PPP2R1B: variants seen among roughly 807,000 people sequenced by gnomAD.
PPP2R1B encodes protein phosphatase 2 scaffold subunit Abeta.
A neutral mutation model predicts 72.7 loss-of-function variants in PPP2R1B; 58 were observed. The ratio of observed to expected loss-of-function variants is 0.80; its 90% CI spans 0.65 to 0.99. PPP2R1B has a LOEUF of 0.99. Ranked by LOEUF, PPP2R1B falls within the 50% of genes least tolerant of loss-of-function variation. PPP2R1B has a pLI of 0.00. For synonymous variants in PPP2R1B, 256 were observed against 264.6 expected (o/e 0.97, Z 0.32); for missense variants, 695 against 733.6 (o/e 0.95, Z 0.61).
chr11:111,737,156 T>C (rs1944362473), downstream of PPP2R1B, among the ~76,000 whole-genome samples: 2 of 152,222 alleles, frequency 1.3e-5, no homozygotes, highest in East Asian at 3.9e-4. Context: ...ACTGGTGTCC[T>C]CTGTATGGGC....
At chr11:111,762,294 C>T (rs1945356230) in intron 3 of PPP2R1B, among the ~76,000 whole-genome samples, 1 of 152,202 alleles carries the variant, frequency 6.6e-6, no homozygotes, top group Non-Finnish European at 1.5e-5. Flanking sequence ...CACAGGTAGA[C>T]AGTATTCAGC....
At chr11:111,741,946 T>G in intron 14 of PPP2R1B, 107 bp downstream of exon 14, 1 of 1,011,210 alleles carries the variant, frequency 9.9e-7, no homozygotes, top group African/African-American at 1.6e-5. Flanking sequence ...ACCCTCCCTG[T>G]TTCCCATAAT....
the PPP2R1B span, among the ~76,000 whole-genome samples, chr11:111,693,540 A>G: frequency 9.8e-4 from 149 of 152,352 alleles, no homozygotes; most frequent in African/African-American, 3.4e-3. Flanking sequence ...CTGTTCAGGC[A>G]TTAAGTTGAG....
chr11:111,703,563 G>A, the PPP2R1B span: 2 of 686,902 alleles, frequency 2.9e-6, no homozygotes, highest in African/African-American at 1.8e-5. Context: ...GATGACATCA[G>A]ACTCTATTTA....
chr11:111,761,022 T>C lies in PPP2R1B; in HGVS notation c.336A>G (p.Glu112=), dbSNP rs966683200. 1 of 1,614,008 alleles carries C rather than the reference T, an allele frequency of 6.2e-7. No homozygotes were observed. Residue 112 remains glutamate (E), a synonymous_variant, in exon 4 of 15, where the codon GAA becomes GAG. Coordinates refer to ENST00000527614, the MANE Select transcript of PPP2R1B (RefSeq NM_002716.5). ...LPPLENLATV[E]ETVVRDKAVE... ...CAGCCTTGTCACGAACAACAGTCTCTTCCACAGTTGCCAGATTTTCCAAAG... is the reference window on the plus strand; with the variant it reads ...CAGCCTTGTCACGAACAACAGTCTCCTCCACAGTTGCCAGATTTTCCAAAG...
At chr11:111,748,376 A>C (rs953438218) in intron 10 of PPP2R1B, among the ~76,000 whole-genome samples, 1 of 152,272 alleles carries the variant, frequency 6.6e-6, no homozygotes, top group Non-Finnish European at 1.5e-5. Context: ...TGTCAGTAAT[A>C]TTACTAATTC....
the PPP2R1B span, among the ~76,000 whole-genome samples, chr11:111,710,775 A>C: frequency 6.6e-6 from 1 of 152,240 alleles, no homozygotes; most frequent in Non-Finnish European, 1.5e-5. Flanking sequence ...GATTAAGGTC[A>C]CACAATTTGT....
the PPP2R1B span, chr11:111,701,698 T>C: frequency 7.8e-7 from 1 of 1,275,318 alleles, no homozygotes; most frequent in Non-Finnish European, 1.1e-6. The surrounding 1 kb of genome is among the most constrained non-coding windows in gnomAD (Gnocchi z 4.2). Context: ...GAGCTGTAGG[T>C]TAAAAGCTAT....
downstream of PPP2R1B, chr11:111,737,758 T>G: frequency 7.5e-7 from 1 of 1,324,636 alleles, no homozygotes; most frequent in Non-Finnish European, 1.0e-6. Flanking sequence ...TGAGGTGCCT[T>G]TCCCTCGGGG....
the PPP2R1B span, among the ~76,000 whole-genome samples, chr11:111,694,701 A>T: frequency 6.6e-6 from 1 of 152,230 alleles, no homozygotes; most frequent in Admixed American, 6.5e-5. Flanking sequence ...AGAGCTTTAC[A>T]TCAAAAAGCA....
At chr11:111,718,767 G>A in the PPP2R1B span, 1 of 152,240 alleles carries the variant, frequency 6.6e-6, no homozygotes, top group African/African-American at 2.4e-5. Flanking sequence ...CCAGGTGAAA[G>A]TACTGCTTAG....
rs1288088825 is a variant in PPP2R1B at position 111,743,508 on chromosome 11, G to A, written c.1422C>T (p.Ala474=). 1 of 1,613,502 alleles carries A rather than the reference G, an allele frequency of 6.2e-7. No homozygotes were observed. The highest frequency in any genetic ancestry group is 1.1e-5 in the South Asian group (1 of 90,948). ...GAACTAGTTTCATGAGGTTGTTGGT[G>A]GCAGCTTCTCGGATGGCGTATACTG... is the stretch of plus-strand genomic sequence containing the variant. ...VDHVYAIREA[A]TNNLMKLVQK... Residue 474 remains alanine (A), a synonymous_variant, in exon 12 of 15, where the codon GCC becomes GCT. Transcript: ENST00000527614.
chr11:111,703,602 C>G, the PPP2R1B span, among the ~76,000 whole-genome samples: 19 of 152,324 alleles, frequency 1.2e-4, 1 homozygote, highest in African/African-American at 4.6e-4. Context: ...ATCTTAAATT[C>G]CTTTCTTTGC....
At chr11:111,755,123 G>A (rs202124384) in intron 6 of PPP2R1B, 29 bp from the exon 7 acceptor site, 124 of 1,569,794 alleles carry the variant, frequency 7.9e-5, no homozygotes, top group Non-Finnish European at 9.4e-5. Context: ...GGGTTTTAAT[G>A]TATACTAACA....
At chr11:111,753,073 T>C (rs556505544) in intron 9 of PPP2R1B, among the ~76,000 whole-genome samples, 1 of 152,244 alleles carries the variant, frequency 6.6e-6, no homozygotes, top group East Asian at 1.9e-4. Context: ...CTAAGGCTCA[T>C]GCTTGCCATG....
rs920730481 is a variant in PPP2R1B, at chr11:111,765,369, T to C, written c.130A>G (p.Ile44Val). The change falls in exon 2 of 15, where the codon ATT becomes GTT. Residue 44 changes from isoleucine (I) to valine (V), a missense_variant. Physicochemically the swap from Ile to Val is conservative, Grantham distance 29. Transcript: ENST00000527614. ...NEDVQLRLNS[I>V]KKLSTIALAL... is the part of the protein sequence containing the mutation. ...AGGGCAATTGTTGATAACTTCTTAA[T>C]ACTGTTGAGTCGGAGCTTCAGAAAA... The C allele has an allele frequency of 1.2e-6, 2 of 1,612,184 alleles. No homozygotes were observed. Among genetic ancestry groups the C allele is most frequent in the South Asian group, 1.1e-5 (1 of 90,614 alleles).
At chr11:111,748,102 G>C in intron 10 of PPP2R1B, 88 bp from the exon 11 acceptor site, 4 of 1,240,204 alleles carry the variant, frequency 3.2e-6, no homozygotes, top group Non-Finnish European at 4.5e-6. Context: ...GTTACCTGAA[G>C]GCTAAAAAAA....
At chr11:111,723,509 C>T (rs1565398658), downstream of PPP2R1B, 3 of 1,600,674 alleles carry the variant, frequency 1.9e-6, no homozygotes, top group Admixed American at 1.7e-5. Context: ...CCAGCAGAAG[C>T]GACTCTTTCT....
intron 14 of PPP2R1B, 133 bp downstream of exon 14, chr11:111,741,920 A>G (rs1001536563): frequency 2.3e-6 from 2 of 872,470 alleles, no homozygotes; most frequent in African/African-American, 3.3e-5. Flanking sequence ...AGACACCAGC[A>G]TTCCAGGAAC....
Sources: allele counts gnomAD v4.1 joint callset (sites outside exome capture counted in the v4.1 genomes callset), GRCh38; gene constraint gnomAD v4.1.1; non-coding constraint Gnocchi (gnomAD v3.1); transcripts MANE v1.5; gene names NCBI Gene and HGNC (gene_info 2026-07-23, HGNC 2026-07-21).